Variants in BAG6 observed in about 807,000 individuals in gnomAD.
BAG6 encodes large proline-rich protein BAG6.
BAG6 carries 22 observed loss-of-function variants against 121.0 expected under a neutral mutation model. That is an observed-to-expected ratio of 0.18 (90% CI 0.13 to 0.26). The LOEUF (loss-of-function observed/expected upper bound fraction) is 0.26, where lower values mean the gene tolerates loss of function less well. Among genes scored for constraint, BAG6 ranks in the 10% least tolerant of loss-of-function variants. The probability of loss-of-function intolerance (pLI) is 1.00; values close to 1 mark genes in which losing one functional copy is unlikely to be tolerated. For synonymous variants in BAG6, 583 were observed against 584.6 expected (o/e 1.00, Z 0.04); for missense variants, 1,233 against 1,537.7 (o/e 0.80, Z 3.31).
chr6:31,643,210 G>A (rs1341410302), intron 14 of BAG6, 95 bp from the exon 15 acceptor site: 1 of 1,288,576 alleles, frequency 7.8e-7, no homozygotes, highest in East Asian at 2.5e-5. Context: ...AGAACTGCTT[G>A]AGCCCAGGAG....
chr6:31,642,442 T>G, intron 15 of BAG6, 39 bp from the exon 16 acceptor site: 1 of 921,794 alleles, frequency 1.1e-6, no homozygotes, highest in South Asian at 1.5e-5. Flanking sequence ...GAAAGTGAGG[T>G]GAGAATGAAG....
chr6:31,641,212 G>A lies in BAG6; in HGVS notation c.2679C>T (p.Ala893=), dbSNP rs1223815075. 1 of 1,614,076 alleles carries A rather than the reference G, an allele frequency of 6.2e-7. No homozygotes were observed. Among genetic ancestry groups the A allele is most frequent in the South Asian group, 1.1e-5 (1 of 91,088 alleles). Residue 893 remains alanine (A), a synonymous_variant, in exon 20 of 26, where the codon GCC becomes GCT. Transcript: ENST00000676615. The surrounding 1 kb of genome is among the most constrained non-coding windows in gnomAD (Gnocchi z 5.7). ...CTTGGTTACACAACTCCAGCAACCGGGCCCCAAATCCACTATCTGTGGGCA... is the reference window on the plus strand; with the variant it reads ...CTTGGTTACACAACTCCAGCAACCGAGCCCCAAATCCACTATCTGTGGGCA... ...VLHCTDSGFG[A]RLLELCNQGL...
At chr6:31,648,016 ATTTT>A (rs9281542) in intron 6 of BAG6, 190 bp from the exon 7 acceptor site, 43 of 274,938 alleles carry the variant, frequency 1.6e-4, no homozygotes, top group Non-Finnish European at 2.1e-4. Context: ...AGCATCTGTA[ATTTT>A]TTTTTTTTTT....
In BAG6 at chr6:31,639,507, C is replaced by A. The variant is rs1186616195; in HGVS notation, c.3386G>T (p.Arg1129Met). 1 of 1,613,606 alleles carries A rather than the reference C, an allele frequency of 6.2e-7. No individual in the cohort carries two copies. Among genetic ancestry groups the A allele is most frequent in the Non-Finnish European group, 8.5e-7 (1 of 1,179,634 alleles). ...TCTGCTTCAAGGTGGCACCTGCTGC[C>A]TGTAGCTCTCCTGAACCTCTGGTGC... ...LEAPEVQESY[R>M]QQLRSDIQKR... The change falls in exon 25 of 26, where the codon AGG becomes ATG. Residue 1129 changes from arginine to methionine, a missense_variant. By Grantham distance (91) the Arg-to-Met change is moderately conservative (BLOSUM62 -1). Coordinates refer to ENST00000676615, the MANE Select transcript of BAG6 (RefSeq NM_001387994.1).
intron 2 of BAG6, 36 bp from the exon 3 acceptor site, chr6:31,649,663 T>C (rs770068357): frequency 1.0e-5 from 16 of 1,574,916 alleles, no homozygotes; most frequent in Non-Finnish European, 1.4e-5. Context: ...ATGGAAAGAA[T>C]GGAGGAAAGA....
chr6:31,644,795 C>T lies in BAG6; in HGVS notation c.1369+151G>A. The T allele has an allele frequency of 3.7e-6, 5 of 1,355,634 alleles. No homozygotes were observed. The highest frequency in any genetic ancestry group is 5.1e-6 in the Non-Finnish European group (5 of 979,310). The allele number at this position is 1,355,634 out of a possible 1,614,324, so 84.0% of individuals were successfully genotyped here. The stretch of plus-strand genomic sequence containing the variant: ...CCAAAGACAAACCAACCCCCACACC[C>T]CCCACATCTGTCTACTTAAGCTTCT... On this transcript the variant is annotated intron_variant, in intron 10 of 25. Coordinates refer to ENST00000676615, the MANE Select transcript of BAG6 (RefSeq NM_001387994.1). The surrounding 1 kb of genome is among the most constrained non-coding windows in gnomAD (Gnocchi z 4.9).
intron 7 of BAG6, among the ~76,000 whole-genome samples, chr6:31,646,782 T>G (rs1183658752): frequency 1.5e-5 from 2 of 136,778 alleles, no homozygotes; most frequent in African/African-American, 2.7e-5. Context: ...TTTTTTTTTT[T>G]TTTTTTTTTG....
In BAG6 at chr6:31,641,733, T is replaced by C. The variant is rs988507061; in HGVS notation, c.2505+43A>G. ...AAGCAGTCAGAAATAAGGAATAAAA[T>C]GTGCAAAAGAGGAGAGTTCTGGGGC... On this transcript the variant is annotated intron_variant, in intron 17 of 25. Coordinates refer to ENST00000676615, the MANE Select transcript of BAG6 (RefSeq NM_001387994.1). The surrounding 1 kb of genome is among the most constrained non-coding windows in gnomAD (Gnocchi z 5.7). The C allele has an allele frequency of 1.9e-6, 3 of 1,611,624 alleles. No homozygotes were observed. In the African/African-American group the frequency reaches 4.0e-5, roughly 22 times the overall value.
At chr6:31,650,916 T>C (rs886615892) in intron 2 of BAG6, among the ~76,000 whole-genome samples, 1 of 152,158 alleles carries the variant, frequency 6.6e-6, no homozygotes, top group Non-Finnish European at 1.5e-5. Context: ...GCCATAAAAA[T>C]TAGTAATTTC....
In BAG6 at chr6:31,642,330, G is replaced by A. The variant is rs1181747747; in HGVS notation, c.2117C>T (p.Pro706Leu). ...GCCACCAGAAGGGGAGCCTGGTGGGGGCATGGTCTGCTGCTCTGGGGCAGG... is the reference window on the plus strand; with the variant it reads ...GCCACCAGAAGGGGAGCCTGGTGGGAGCATGGTCTGCTGCTCTGGGGCAGG... ...PPPAPEQQTM[P>L]PPGSPSGGAG... The change falls in exon 16 of 26, where the codon CCC (proline) becomes CTC (leucine). Residue 706 changes from proline (P) to leucine (L), a missense_variant. Physicochemically the swap from Pro to Leu is moderately conservative, Grantham distance 98. Around this residue, in one of 7 missense-constraint regions of BAG6, gnomAD observed 777 missense variants for 861.4 expected, o/e 0.90. Transcript: ENST00000676615. The A allele has an allele frequency of 2.0e-6, 3 of 1,520,952 alleles. No homozygotes were observed. The highest frequency in any genetic ancestry group is 2.0e-5 in the Admixed American group (1 of 50,170). The allele number at this position is 1,520,952 out of a possible 1,614,324, so 94.2% of individuals were successfully genotyped here.
At chr6:31,639,368 T>C (rs915642155) in intron 25 of BAG6, 132 bp downstream of exon 25, 1 of 1,485,580 alleles carries the variant, frequency 6.7e-7, no homozygotes, top group East Asian at 2.3e-5. Context: ...CTGTCAAGCC[T>C]TCCCAGATGC....
chr6:31,643,911 G>C lies in BAG6; in HGVS notation c.1735C>G (p.Leu579Val), dbSNP rs921815059. The C allele has an allele frequency of 6.2e-7, 1 of 1,613,348 alleles. No individual in the cohort carries two copies. Among genetic ancestry groups the C allele is most frequent in the Non-Finnish European group, 8.5e-7 (1 of 1,180,010 alleles). Residue 579 changes from leucine (L) to valine (V), a missense_variant, in exon 14 of 26, where the codon CTT (leucine) becomes GTT (valine). By Grantham distance (32) the Leu-to-Val change is conservative. Around this residue, in one of 7 missense-constraint regions of BAG6, gnomAD observed 777 missense variants for 861.4 expected, o/e 0.90. Transcript: ENST00000676615. ...TCACCCACAAGGACTGGCTGCATAA[G>C]AAGCTGCCCCACAAGGCCGCTCACC... ...QMVSGLVGQL[L>V]MQPVLVAQGT...
chr6:31,648,620 TGA>T, intron 6 of BAG6, 55 bp downstream of exon 6: 1 of 1,567,116 alleles, frequency 6.4e-7, no homozygotes, highest in Non-Finnish European at 8.8e-7. Context: ...ACTCCCAGGC[TGA>T]GAGAAAAGGG....
At chr6:31,642,509 G>C in intron 15 of BAG6, 106 bp from the exon 16 acceptor site, 1 of 652,670 alleles carries the variant, frequency 1.5e-6, no homozygotes, top group Admixed American at 2.7e-5. Flanking sequence ...TGGGAAGATG[G>C]GGAGTTACAT....
chr6:31,649,476 C>T (rs1793924712), intron 3 of BAG6, 34 bp downstream of exon 3: 2 of 1,613,298 alleles, frequency 1.2e-6, no homozygotes, highest in African/African-American at 1.3e-5. Context: ...AGACAGTAGC[C>T]CCAACCTCTG....
At position 31,645,437 on chromosome 6, in the gene BAG6, C is replaced by T; in HGVS notation, c.1086G>A (p.Met362Ile). The T allele has an allele frequency of 6.2e-7, 1 of 1,613,068 alleles. No homozygotes were observed. Among genetic ancestry groups the T allele is most frequent in the African/African-American group, 1.3e-5 (1 of 75,040 alleles). Reference protein sequence around the residue: ...VRPMSHYTTPMVLQQAAIPIQ... With the variant: ...VRPMSHYTTPIVLQQAAIPIQ... ...TGGGAATGGCTGCCTGCTGGAGCAC[C>T]ATGGGGGTGGTGTAGTGAGACATAG... Residue 362 changes from methionine (M) to isoleucine (I), a missense_variant, in exon 9 of 26, where the codon ATG becomes ATA. Coordinates refer to ENST00000676615, the MANE Select transcript of BAG6 (RefSeq NM_001387994.1).
chr6:31,651,033 A>C (rs1441430224), intron 2 of BAG6, among the ~76,000 whole-genome samples: 2 of 152,234 alleles, frequency 1.3e-5, no homozygotes, highest in African/African-American at 4.8e-5. Context: ...ACACTTGCTT[A>C]GGGTTCCTGT....
At chr6:31,651,878 T>C in intron 1 of BAG6, 102 bp from the exon 2 acceptor site, 1 of 761,610 alleles carries the variant, frequency 1.3e-6, no homozygotes, top group Non-Finnish European at 2.3e-6. Context: ...AAAAAGTTTC[T>C]CCTGCACACA....
chr6:31,639,553 T>C lies in BAG6; in HGVS notation c.3340A>G (p.Ser1114Gly). 6.2e-7 allele frequency: 1 copy of C among 1,614,150 alleles called. No homozygotes were observed. Among genetic ancestry groups the C allele is most frequent in the South Asian group, 1.1e-5 (1 of 91,082 alleles). Residue 1114 changes from serine to glycine, a missense_variant, in exon 25 of 26, where the codon AGC becomes GGC. Around this residue, in one of 7 missense-constraint regions of BAG6, gnomAD observed 102 missense variants for 103.2 expected, o/e 0.99. Coordinates refer to ENST00000676615, the MANE Select transcript of BAG6 (RefSeq NM_001387994.1). ...AGARPLTSPE[S>G]LSRDLEAPEV... is the part of the protein sequence containing the mutation. The stretch of plus-strand genomic sequence containing the variant: ...GGTGCCTCCAGGTCCCGGCTCAGGC[T>C]CTCGGGGCTCGTCAGGGGCCGAGCT...
Sources: allele counts gnomAD v4.1 joint callset (sites outside exome capture counted in the v4.1 genomes callset), GRCh38; gene constraint gnomAD v4.1.1; regional missense constraint gnomAD v4.1.1; non-coding constraint Gnocchi (gnomAD v3.1); transcripts MANE v1.5; gene names NCBI Gene and HGNC (gene_info 2026-07-23, HGNC 2026-07-21).